Variants in VLDLR observed in about 807,000 individuals in gnomAD.
VLDLR encodes the protein very low density lipoprotein receptor.
A neutral mutation model predicts 112.7 loss-of-function variants in VLDLR; 81 were observed. The observed-to-expected ratio is 0.72, with a 90% CI of 0.60 to 0.86. The LOEUF is 0.86. Among genes scored for constraint, VLDLR ranks in the 40% least tolerant of loss-of-function variants. The pLI is 0.00. For missense variants in VLDLR, 1,237 were observed against 1,099.4 expected (o/e 1.13, Z -1.77); for synonymous variants, 436 against 384.8 (o/e 1.13, Z -1.56).
chr9:2,647,678 G>A (rs1230250510), intron 12 of VLDLR, 86 bp downstream of exon 12: 1 of 1,214,454 alleles, frequency 8.2e-7, no homozygotes, highest in Non-Finnish European at 1.2e-6. Flanking sequence ...TGGACTAGCA[G>A]ATGACTCTAC....
chr9:2,643,172 G>T lies in VLDLR; in HGVS notation c.461G>T (p.Cys154Phe). ...TCTCTCTTAATAGGCAATATAACAT[G>T]TAGTCCCGACGAGTTCACCTGCTCC... is the stretch of plus-strand genomic sequence containing the variant. Reference protein sequence around the residue: ...EDEENCGNITCSPDEFTCSSG... With the variant: ...EDEENCGNITFSPDEFTCSSG... Residue 154 changes from cysteine to phenylalanine, a missense_variant, in exon 5 of 19, where the codon TGT becomes TTT. Physicochemically the swap from Cys to Phe is radical, Grantham distance 205. Transcript: ENST00000382100. 1 of 1,611,758 alleles carries T rather than the reference G, an allele frequency of 6.2e-7. No individual in the cohort carries two copies. The highest frequency in any genetic ancestry group is 8.5e-7 in the Non-Finnish European group (1 of 1,180,028).
In VLDLR at chr9:2,625,792, G is replaced by A. The variant is rs192348828; in HGVS notation, c.82+3521G>A. The stretch of plus-strand genomic sequence containing the variant: ...AATACTGTCTGCTGAGGTTATGGGC[G>A]AGATATACTTGTTAAGCGGAAGTAA... On this transcript the variant is annotated intron_variant, in intron 1 of 18. Coordinates refer to ENST00000382100, the MANE Select transcript of VLDLR (RefSeq NM_003383.5). 1.5e-4 allele frequency among the ~76,000 whole-genome samples: 23 copies of A among 152,320 alleles called. No homozygotes were observed. In the East Asian group the frequency reaches 2.9e-3, roughly 19 times the overall value.
At chr9:2,624,413 C>G (rs926670995) in intron 1 of VLDLR, among the ~76,000 whole-genome samples, 2 of 152,202 alleles carry the variant, frequency 1.3e-5, no homozygotes, top group African/African-American at 4.8e-5. Context: ...TTCCACAATA[C>G]TCCTGGACAA....
At chr9:2,636,993 TG>T (rs1817620516) in intron 2 of VLDLR, among the ~76,000 whole-genome samples, 1 of 152,190 alleles carries the variant, frequency 6.6e-6, no homozygotes, top group Non-Finnish European at 1.5e-5. Context: ...AAAATAGTCT[TG>T]TATAAGTACT....
chr9:2,644,404 C>G (rs992479021), intron 7 of VLDLR, among the ~76,000 whole-genome samples: 1 of 148,654 alleles, frequency 6.7e-6, no homozygotes, highest in East Asian at 2.0e-4. Flanking sequence ...CTCCTGACCT[C>G]GTGATCCACC....
intron 4 of VLDLR, 93 bp from the exon 5 acceptor site, chr9:2,643,067 A>C: frequency 3.8e-6 from 6 of 1,578,808 alleles, no homozygotes; most frequent in Non-Finnish European, 5.2e-6. Flanking sequence ...GTTAGGATTA[A>C]TGAATAAAGA....
chr9:2,646,518 G>C lies in VLDLR; in HGVS notation c.1669G>C (p.Glu557Gln). ...GTTCCTGTTTAACTCTGACTTGCGAGAGCCTGCCTCCATAGCTGTGGACCC... is the reference window on the plus strand; with the variant it reads ...GTTCCTGTTTAACTCTGACTTGCGACAGCCTGCCTCCATAGCTGTGGACCC... Reference protein sequence around the residue: ...RKFLFNSDLREPASIAVDPLS... With the variant: ...RKFLFNSDLRQPASIAVDPLS... Residue 557 changes from glutamate (E) to glutamine (Q), a missense_variant, in exon 11 of 19, where the codon GAG (glutamate) becomes CAG (glutamine). Coordinates refer to ENST00000382100, the MANE Select transcript of VLDLR (RefSeq NM_003383.5). 1 of 1,614,154 alleles carries C rather than the reference G, an allele frequency of 6.2e-7. No homozygotes were observed. The highest frequency in any genetic ancestry group is 8.5e-7 in the Non-Finnish European group (1 of 1,180,016).
At position 2,651,864 on chromosome 9, in the gene VLDLR, T is replaced by G. The variant is rs1818365313; in HGVS notation, c.2336-10T>G. The G allele has an allele frequency of 6.2e-7, 1 of 1,613,908 alleles. No homozygotes were observed. Among genetic ancestry groups the G allele is most frequent in the Admixed American group, 1.7e-5 (1 of 59,992 alleles). ...ATCCTTCTAAACTGATTCCTTTTAT[T>G]CCTCTGTAGGGATCAATGTGACCAC... On this transcript the variant is annotated splice_polypyrimidine_tract_variant and intron_variant, in intron 16 of 18. Transcript: ENST00000382100.
chr9:2,648,484 A>C (rs1456621845), intron 13 of VLDLR, 137 bp downstream of exon 13: 4 of 1,517,502 alleles, frequency 2.6e-6, no homozygotes, highest in Admixed American at 1.7e-5. Flanking sequence ...ACCTGGTACA[A>C]ATCAGACACT....
At chr9:2,638,259 A>T (rs1231250449) in intron 2 of VLDLR, among the ~76,000 whole-genome samples, 1 of 152,266 alleles carries the variant, frequency 6.6e-6, no homozygotes, top group East Asian at 1.9e-4. Context: ...AGATCATCAT[A>T]ATTTGTCAAC....
At chr9:2,642,854 C>A (rs1187917429) in intron 4 of VLDLR, among the ~76,000 whole-genome samples, 2 of 152,158 alleles carry the variant, frequency 1.3e-5, no homozygotes, top group African/African-American at 4.8e-5. Context: ...AATTGAAATC[C>A]CTTGTTACAG....
At position 2,646,376 on chromosome 9, in the gene VLDLR, C is replaced by T. The variant is rs116467449; in HGVS notation, c.1527C>T (p.Ile509=). The T allele has an allele frequency of 1.2e-6, 2 of 1,614,134 alleles. No homozygotes were observed. The highest frequency in any genetic ancestry group is 8.5e-7 in the Non-Finnish European group (1 of 1,180,010). Reference sequence around the variant, plus strand: ...AGGTTGGTAGACATGTTAAAATGATCGACAATGTCTATAATCCTGCAGCCA... The same window carrying T: ...AGGTTGGTAGACATGTTAAAATGATTGACAATGTCTATAATCCTGCAGCCA... ...DDKVGRHVKM[I]DNVYNPAAIA... is the part of the protein sequence containing the mutation. Residue 509 remains isoleucine, a synonymous_variant, in exon 11 of 19, where the codon ATC becomes ATT. Coordinates refer to ENST00000382100, the MANE Select transcript of VLDLR (RefSeq NM_003383.5).
Position 2,644,956 on chromosome 9 carries a change from G to C in VLDLR, c.1187-1G>C. On this transcript the variant is annotated splice_acceptor_variant, in intron 8 of 18. Coordinates refer to ENST00000382100, the MANE Select transcript of VLDLR (RefSeq NM_003383.5). LOFTEE classifies it high-confidence loss of function. Reference sequence around the variant, plus strand: ...AAGACTAATTCTGATTTCCCTCCCAGATATTGATGAATGCCAAAATCCAGG... The same window carrying C: ...AAGACTAATTCTGATTTCCCTCCCACATATTGATGAATGCCAAAATCCAGG... 1 of 1,614,158 alleles carries C rather than the reference G, an allele frequency of 6.2e-7. No homozygotes were observed. The highest frequency in any genetic ancestry group is 8.5e-7 in the Non-Finnish European group (1 of 1,180,028).
chr9:2,652,461 T>C (rs1818394615), intron 17 of VLDLR, among the ~76,000 whole-genome samples: 1 of 152,202 alleles, frequency 6.6e-6, no homozygotes, highest in Non-Finnish European at 1.5e-5. Context: ...GACCCAAGCT[T>C]AGCTAACACG....
In VLDLR at chr9:2,643,240, G is replaced by C; in HGVS notation, c.529G>C (p.Asp177His). 6.2e-7 allele frequency: 1 copy of C among 1,614,138 alleles called. No homozygotes were observed. Among genetic ancestry groups the C allele is most frequent in the South Asian group, 1.1e-5 (1 of 91,078 alleles). ...ISRNFVCNGQ[D>H]DCSDGSDELD... ...CAGGAACTTTGTATGCAATGGCCAGGATGACTGCAGCGATGGCAGTGATGA... is the reference window on the plus strand; with the variant it reads ...CAGGAACTTTGTATGCAATGGCCAGCATGACTGCAGCGATGGCAGTGATGA... Residue 177 changes from aspartate to histidine, a missense_variant, in exon 5 of 19, where the codon GAT becomes CAT. By Grantham distance (81) the Asp-to-His change is moderately conservative. Transcript: ENST00000382100.
At chr9:2,644,599 A>T in intron 7 of VLDLR, 135 bp from the exon 8 acceptor site, 1 of 1,101,044 alleles carries the variant, frequency 9.1e-7, no homozygotes, top group Non-Finnish European at 1.3e-6. Context: ...CCTATAAAAT[A>T]AATGATTAGG....
chr9:2,639,761 T>A, intron 2 of VLDLR, 98 bp from the exon 3 acceptor site: 1 of 1,597,910 alleles, frequency 6.3e-7, no homozygotes. Context: ...AGCTTTTTTT[T>A]AGAGCAAAAC....
At chr9:2,627,516 A>T (rs1291355588) in intron 1 of VLDLR, among the ~76,000 whole-genome samples, 1 of 152,138 alleles carries the variant, frequency 6.6e-6, no homozygotes, top group African/African-American at 2.4e-5. Context: ...ACCCAAAGGG[A>T]CACACTCATT....
chr9:2,640,859 T>C (rs1817793103), intron 3 of VLDLR, among the ~76,000 whole-genome samples: 1 of 152,148 alleles, frequency 6.6e-6, no homozygotes, highest in Non-Finnish European at 1.5e-5. Flanking sequence ...GCCTCAACTT[T>C]TAGTGGAGAA....
Sources: allele counts gnomAD v4.1 joint callset (sites outside exome capture counted in the v4.1 genomes callset), GRCh38; gene constraint gnomAD v4.1.1; transcripts MANE v1.5; gene names NCBI Gene and HGNC (gene_info 2026-07-23, HGNC 2026-07-21).